Variants in LPIN2 observed in about 807,000 individuals in gnomAD.
LPIN2 encodes the protein lipin 2, also known as phosphatidate phosphatase LPIN2.
LPIN2 carries 55 observed loss-of-function variants against 111.4 expected under a neutral mutation model. The ratio of observed to expected loss-of-function variants is 0.49; its 90% CI spans 0.40 to 0.62. The LOEUF (loss-of-function observed/expected upper bound fraction) is 0.62, where lower values mean the gene tolerates loss of function less well. Ranked by LOEUF, LPIN2 falls within the 20% of genes least tolerant of loss-of-function variation. LPIN2 has a pLI of 0.00. For synonymous variants in LPIN2, 425 were observed against 414.0 expected (o/e 1.03, Z -0.32); for missense variants, 992 against 1,112.1 (o/e 0.89, Z 1.54).
chr18:2,931,399 A>T lies in LPIN2; in HGVS notation c.1313T>A (p.Leu438His), dbSNP rs758448894. The T allele has an allele frequency of 1.9e-5, 31 of 1,608,818 alleles. No homozygotes were observed. In the South Asian group the frequency reaches 3.0e-4, roughly 16 times the overall value. Residue 438 changes from leucine (L) to histidine (H), a missense_variant, in exon 9 of 20, where the codon CTC becomes CAC. This residue lies in a region of LPIN2 where 709 missense variants were observed against 753.2 expected (regional missense o/e 0.94). Coordinates refer to ENST00000677752, the MANE Select transcript of LPIN2 (RefSeq NM_001375808.2). Reference sequence around the variant, plus strand: ...GGACTGTGGGGACTGGGAGCCAGAGAGTGTGTCAGACTCGGGCCACTGCCT... The same window carrying T: ...GGACTGTGGGGACTGGGAGCCAGAGTGTGTGTCAGACTCGGGCCACTGCCT... The part of the protein sequence containing the change: ...GSRQWPESDT[L>H]SGSQSPQSVG...
At chr18:2,921,346 T>A in intron 18 of LPIN2, 187 bp downstream of exon 18, 1 of 640,362 alleles carries the variant, frequency 1.6e-6, no homozygotes, top group Non-Finnish European at 2.8e-6. Context: ...GGGGCAGATC[T>A]GCACCTGCAG....
chr18:2,995,375 A>C (rs10502310), intron 1 of LPIN2, among the ~76,000 whole-genome samples: 17,860 of 152,090 alleles, frequency 0.12, 1,637 homozygotes, highest in East Asian at 0.46. Context: ...ATGCCTTAAG[A>C]CTCATCCAAC....
chr18:2,962,392 C>G (rs1014145516), intron 1 of LPIN2, among the ~76,000 whole-genome samples: 8 of 152,124 alleles, frequency 5.3e-5, no homozygotes, highest in Admixed American at 5.2e-4. Flanking sequence ...CAATTATAAT[C>G]TGGTGATGGT....
At chr18:2,920,530 C>T in intron 19 of LPIN2, 93 bp from the exon 20 acceptor site, 3 of 1,408,004 alleles carry the variant, frequency 2.1e-6, no homozygotes, top group Non-Finnish European at 3.0e-6. Context: ...ACTCAGATTG[C>T]TCAGGTGGGC....
At chr18:2,973,364 C>T (rs889670888) in intron 1 of LPIN2, among the ~76,000 whole-genome samples, 1 of 152,206 alleles carries the variant, frequency 6.6e-6, no homozygotes, top group South Asian at 2.1e-4. Flanking sequence ...CCCTCTTCCC[C>T]ACCCATGCCA....
intron 1 of LPIN2, among the ~76,000 whole-genome samples, chr18:2,970,275 G>A (rs1228817859): frequency 6.6e-6 from 1 of 152,238 alleles, no homozygotes; most frequent in East Asian, 1.9e-4. Flanking sequence ...GAGAGGCACC[G>A]AAACACAAGG....
chr18:2,983,431 T>C (rs2078141419), intron 1 of LPIN2, among the ~76,000 whole-genome samples: 1 of 152,238 alleles, frequency 6.6e-6, no homozygotes, highest in Non-Finnish European at 1.5e-5. Context: ...TGGTATTTCC[T>C]TGGCAGCTCT....
At chr18:2,938,286 G>A (rs2077319004) in intron 6 of LPIN2, among the ~76,000 whole-genome samples, 1 of 152,192 alleles carries the variant, frequency 6.6e-6, no homozygotes, top group Admixed American at 6.5e-5. Context: ...CACTTTGGGA[G>A]GCCAAGGTGG....
intron 17 of LPIN2, 122 bp downstream of exon 17, chr18:2,921,925 G>T: frequency 7.4e-7 from 1 of 1,344,252 alleles, no homozygotes; most frequent in South Asian, 1.5e-5. Context: ...AGGGACCAAA[G>T]AACTGGGAGA....
At chr18:2,920,942 G>C in intron 18 of LPIN2, 61 bp from the exon 19 acceptor site, 1 of 1,138,276 alleles carries the variant, frequency 8.8e-7, no homozygotes, top group African/African-American at 1.5e-5. Flanking sequence ...ATACTTCTCA[G>C]GCTCCTTGTG....
At chr18:2,962,754 C>G (rs879410537) in intron 1 of LPIN2, among the ~76,000 whole-genome samples, 3 of 151,898 alleles carry the variant, frequency 2.0e-5, no homozygotes, top group African/African-American at 4.8e-5. Flanking sequence ...AAACAGCATC[C>G]AAGCAGTCAA....
chr18:2,940,227 T>G (rs778431273), intron 5 of LPIN2, among the ~76,000 whole-genome samples: 1 of 152,156 alleles, frequency 6.6e-6, no homozygotes, highest in Non-Finnish European at 1.5e-5. Context: ...CTCAGGAGGC[T>G]GAGGTGGGAG....
Position 2,917,121 on chromosome 18 carries a change from G to GT in LPIN2, c.*3171dup. ...TAACTAAGAGTACTGTACTGATGAT[G>GT]TTTACAATTAACTTTGGACAACTTA... On this transcript the variant is annotated 3_prime_UTR_variant, in exon 20 of 20. Coordinates refer to ENST00000677752, the MANE Select transcript of LPIN2 (RefSeq NM_001375808.2). 6.6e-6 allele frequency: 1 copy of GT among 152,310 alleles called. No homozygotes were observed. The highest frequency in any genetic ancestry group is 1.9e-4 in the East Asian group (1 of 5,192). 9.4% of individuals were successfully genotyped at this position (152,310 alleles called of 1,614,324 possible). A position where few individuals can be genotyped will look rare whatever the true frequency, so the allele number is the denominator to read the frequency against.
At chr18:2,991,879 G>A (rs916309634) in intron 1 of LPIN2, among the ~76,000 whole-genome samples, 7 of 151,904 alleles carry the variant, frequency 4.6e-5, no homozygotes, top group African/African-American at 9.7e-5. Context: ...GCGTGGTGGC[G>A]TGCACCTGTA....
intron 1 of LPIN2, among the ~76,000 whole-genome samples, chr18:3,003,012 G>C (rs1262360861): frequency 2.0e-5 from 3 of 152,244 alleles, no homozygotes; most frequent in African/African-American, 7.2e-5. Context: ...GTAAGACCTA[G>C]AGGTGGATGC....
chr18:3,012,637 C>A (rs945053649), intron 1 of LPIN2, among the ~76,000 whole-genome samples: 1 of 152,204 alleles, frequency 6.6e-6, no homozygotes, highest in East Asian at 1.9e-4. Flanking sequence ...CCGGCGCCCC[C>A]TCCCGCAGGG....
At chr18:2,959,343 T>C (rs942950823) in intron 2 of LPIN2, among the ~76,000 whole-genome samples, 16 of 152,176 alleles carry the variant, frequency 1.1e-4, no homozygotes, top group African/African-American at 3.9e-4. Context: ...CAAAATAACA[T>C]TTAAGTTTAA....
At chr18:2,942,952 G>A (rs2077385880) in intron 4 of LPIN2, among the ~76,000 whole-genome samples, 1 of 152,180 alleles carries the variant, frequency 6.6e-6, no homozygotes, top group Non-Finnish European at 1.5e-5. Flanking sequence ...AGATGTAAAC[G>A]GTGACTTTCA....
At chr18:2,982,646 G>T in intron 1 of LPIN2, 1 of 1,153,668 alleles carries the variant, frequency 8.7e-7, no homozygotes, top group Non-Finnish European at 1.2e-6. Context: ...AGGGAGCAGG[G>T]ACATTGGGAG....
Sources: allele counts gnomAD v4.1 joint callset (sites outside exome capture counted in the v4.1 genomes callset), GRCh38; gene constraint gnomAD v4.1.1; regional missense constraint gnomAD v4.1.1; transcripts MANE v1.5; gene names NCBI Gene and HGNC (gene_info 2026-07-23, HGNC 2026-07-21).